PLAC1: variants seen among roughly 807,000 people sequenced by gnomAD.
The protein encoded by PLAC1 is placenta associated 1.
For missense variants in PLAC1, 136 were observed against 163.2 expected, an observed-to-expected ratio of 0.83 and a Z score of 0.91; for synonymous variants, 68 against 62.1, an observed-to-expected ratio of 1.09 and a Z score of -0.44.
chrX:134,583,855 C>G (rs2124364951), intron 2 of PLAC1, among the ~76,000 whole-genome samples: 1 of 110,763 alleles, frequency 9.0e-6, no homozygotes, highest in Admixed American at 9.6e-5. Flanking sequence ...CTTCATCCAC[C>G]CCTGTTACCA....
intron 1 of PLAC1, among the ~76,000 whole-genome samples, chrX:134,650,162 A>T: frequency 8.9e-6 from 1 of 112,539 alleles, no homozygotes; most frequent in South Asian, 3.7e-4. Context: ...GAATCTAAGC[A>T]TAAAAATACT....
intron 2 of PLAC1, among the ~76,000 whole-genome samples, chrX:134,684,371 A>G (rs140132485): frequency 0.011 from 1,109 of 102,211 alleles, 17 homozygotes; most frequent in African/African-American, 0.037. Flanking sequence ...GAATCTTACC[A>G]TCTCCTCAAT....
At chrX:134,581,100 T>C (rs2077971860) in intron 2 of PLAC1, among the ~76,000 whole-genome samples, 1 of 111,914 alleles carries the variant, frequency 8.9e-6, no homozygotes, top group Admixed American at 9.5e-5. Flanking sequence ...GATTTCATCA[T>C]ATCTTTAAAA....
intron 1 of PLAC1, among the ~76,000 whole-genome samples, chrX:134,763,681 C>T (rs984084640): frequency 1.8e-5 from 2 of 109,939 alleles, no homozygotes; most frequent in East Asian, 5.7e-4. Context: ...ATTAGTCGGG[C>T]GTGGTGGCGG....
At chrX:134,704,714 T>C (rs1183046026) in intron 2 of PLAC1, among the ~76,000 whole-genome samples, 1 of 104,218 alleles carries the variant, frequency 9.6e-6, no homozygotes, top group Non-Finnish European at 1.9e-5. Flanking sequence ...TATATATGGC[T>C]GGGCGCAGTG....
chrX:134,719,468 T>C (rs2078651722), intron 2 of PLAC1, among the ~76,000 whole-genome samples: 1 of 111,700 alleles, frequency 9.0e-6, no homozygotes, highest in Non-Finnish European at 1.9e-5. Context: ...AAATTCAATA[T>C]TCCTTCATGA....
At chrX:134,673,696 A>G (rs2078463875) in intron 2 of PLAC1, among the ~76,000 whole-genome samples, 1 of 111,187 alleles carries the variant, frequency 9.0e-6, no homozygotes, top group Non-Finnish European at 1.9e-5. Flanking sequence ...CAAACACTGG[A>G]GAGATTTGTG....
intron 2 of PLAC1, among the ~76,000 whole-genome samples, chrX:134,695,303 G>A (rs769963298): frequency 7.2e-5 from 8 of 111,657 alleles, no homozygotes; most frequent in Non-Finnish European, 1.3e-4. Flanking sequence ...TGTGCTGGGG[G>A]GGATATCAAA....
At chrX:134,702,196 G>T (rs1056541505) in intron 2 of PLAC1, among the ~76,000 whole-genome samples, 35 of 112,161 alleles carry the variant, frequency 3.1e-4, no homozygotes, top group African/African-American at 1.1e-3. Flanking sequence ...ATTTCTCAGA[G>T]AACTTAAAAC....
chrX:134,580,637 T>C (rs1195057678), intron 2 of PLAC1, among the ~76,000 whole-genome samples: 1 of 111,366 alleles, frequency 9.0e-6, no homozygotes, highest in Non-Finnish European at 1.9e-5. Flanking sequence ...GGGAAGTTAA[T>C]AGCTTTTCAA....
intron 1 of PLAC1, among the ~76,000 whole-genome samples, chrX:134,648,403 A>AT (rs2078345308): frequency 8.9e-6 from 1 of 112,487 alleles, no homozygotes; most frequent in Non-Finnish European, 1.9e-5. Context: ...CATTTAAAAA[A>AT]CGTGGAGGCT....
chrX:134,609,508 A>G (rs778633002), intron 1 of PLAC1, among the ~76,000 whole-genome samples: 1 of 112,213 alleles, frequency 8.9e-6, no homozygotes, highest in Non-Finnish European at 1.9e-5. Context: ...TCTGAGAGCC[A>G]TCTGAGAAGC....
At chrX:134,661,426 G>A, upstream of PLAC1, among the ~76,000 whole-genome samples, 1 of 111,750 alleles carries the variant, frequency 8.9e-6, no homozygotes, top group Non-Finnish European at 1.9e-5. Context: ...CTGAGCAGAT[G>A]AGAGGAAAAT....
chrX:134,597,875 T>C (rs2078069563), intron 2 of PLAC1, among the ~76,000 whole-genome samples: 1 of 111,858 alleles, frequency 8.9e-6, no homozygotes, highest in Non-Finnish European at 1.9e-5. Context: ...CTGTTCCCAC[T>C]GGTGTTTCTG....
At chrX:134,759,364 T>G (rs1166247296) in intron 1 of PLAC1, among the ~76,000 whole-genome samples, 2 of 110,913 alleles carry the variant, frequency 1.8e-5, no homozygotes, top group Non-Finnish European at 3.8e-5. Context: ...TTGTCCGGGC[T>G]GGTCTCAAAC....
chrX:134,622,356 C>A (rs1166961617), intron 1 of PLAC1, among the ~76,000 whole-genome samples: 1 of 111,224 alleles, frequency 9.0e-6, no homozygotes, highest in Non-Finnish European at 1.9e-5. Flanking sequence ...CCCCCTCCTC[C>A]CCCCTCCACA....
At chrX:134,571,327 A>T (rs1445455313) in intron 2 of PLAC1, among the ~76,000 whole-genome samples, 2 of 112,160 alleles carry the variant, frequency 1.8e-5, no homozygotes, top group Non-Finnish European at 3.8e-5. Context: ...ACATTGTGGA[A>T]TGATTATTTT....
At chrX:134,708,128 A>G (rs2078613044) in intron 2 of PLAC1, among the ~76,000 whole-genome samples, 1 of 112,344 alleles carries the variant, frequency 8.9e-6, no homozygotes, top group Admixed American at 9.5e-5. Context: ...AACGTCCCTC[A>G]ACAAGTGAAC....
chrX:134,590,366 T>C (rs1279311356), intron 2 of PLAC1, among the ~76,000 whole-genome samples: 1 of 111,127 alleles, frequency 9.0e-6, no homozygotes, highest in Non-Finnish European at 1.9e-5. Flanking sequence ...TTGTGTTAGG[T>C]GCTGGGAATA....
Sources: allele counts gnomAD v4.1 joint callset (sites outside exome capture counted in the v4.1 genomes callset), GRCh38; gene constraint gnomAD v4.1.1; transcripts MANE v1.5; gene names NCBI Gene and HGNC (gene_info 2026-07-23, HGNC 2026-07-21).